RETREG1: variants seen among roughly 807,000 people sequenced by gnomAD.
The protein encoded by RETREG1 is reticulophagy regulator 1, also known as family with sequence similarity 134 member B.
Under a neutral mutation model 54.8 loss-of-function variants are expected in RETREG1, and 44 were observed. That is an observed-to-expected ratio of 0.80 (90% CI 0.63 to 1.03). RETREG1 has a LOEUF of 1.03. Among genes scored for constraint, RETREG1 ranks in the 50% least tolerant of loss-of-function variants. The pLI is 0.00. For synonymous variants in RETREG1, 217 were observed against 238.5 expected, an observed-to-expected ratio of 0.91 and a Z score of 0.83; for missense variants, 554 against 605.1, an observed-to-expected ratio of 0.92 and a Z score of 0.89.
chr5:16,519,536 C>T (rs988112429), intron 3 of RETREG1, among the ~76,000 whole-genome samples: 10 of 152,174 alleles, frequency 6.6e-5, no homozygotes, highest in Non-Finnish European at 1.3e-4. Context: ...ACCCAGTTAC[C>T]CTTTTATCTT....
At chr5:16,513,020 AGCTCTGT>A (rs1234808081) in intron 3 of RETREG1, among the ~76,000 whole-genome samples, 1 of 151,824 alleles carries the variant, frequency 6.6e-6, no homozygotes, top group African/African-American at 2.4e-5. Context: ...TTGGATTCTG[AGCTCTGT>A]GAATTTGCAT....
At chr5:16,552,445 A>G (rs913201011) in intron 3 of RETREG1, among the ~76,000 whole-genome samples, 2 of 152,246 alleles carry the variant, frequency 1.3e-5, no homozygotes, top group Non-Finnish European at 1.5e-5. Flanking sequence ...AACAACATTC[A>G]AAAGATTTTA....
At chr5:16,549,835 G>C (rs966809) in intron 3 of RETREG1, among the ~76,000 whole-genome samples, 3 of 151,804 alleles carry the variant, frequency 2.0e-5, no homozygotes, top group African/African-American at 4.8e-5. Flanking sequence ...GTAATAACTG[G>C]CCCCCCAAAA....
intron 1 of RETREG1, among the ~76,000 whole-genome samples, chr5:16,584,478 C>A (rs1742574442): frequency 6.6e-6 from 1 of 152,050 alleles, no homozygotes; most frequent in Non-Finnish European, 1.5e-5. Flanking sequence ...CATCTCCTGG[C>A]TTTATTTAAT....
intron 3 of RETREG1, among the ~76,000 whole-genome samples, chr5:16,540,441 T>C (rs1741208776): frequency 6.6e-6 from 1 of 152,232 alleles, no homozygotes; most frequent in African/African-American, 2.4e-5. Context: ...CTTTCCACCA[T>C]GAATTCAGTT....
chr5:16,557,363 C>T (rs559224226), intron 3 of RETREG1, among the ~76,000 whole-genome samples: 2 of 152,358 alleles, frequency 1.3e-5, no homozygotes, highest in East Asian at 1.9e-4. Flanking sequence ...CAGTTCTCCA[C>T]ATCCTTTTAT....
chr5:16,530,590 G>A (rs1740882121), intron 3 of RETREG1, among the ~76,000 whole-genome samples: 1 of 152,092 alleles, frequency 6.6e-6, no homozygotes, highest in Non-Finnish European at 1.5e-5. Flanking sequence ...AAACACCTGA[G>A]GGCCGGGCAC....
At chr5:16,572,326 C>T (rs1161312604) in intron 1 of RETREG1, among the ~76,000 whole-genome samples, 1 of 151,890 alleles carries the variant, frequency 6.6e-6, no homozygotes, top group Non-Finnish European at 1.5e-5. Context: ...GATTCTCCTG[C>T]CTCAGCTTCG....
chr5:16,506,482 T>G (rs1429682197), intron 3 of RETREG1, among the ~76,000 whole-genome samples: 4 of 151,374 alleles, frequency 2.6e-5, no homozygotes, highest in Non-Finnish European at 4.4e-5. Flanking sequence ...TTTTTGTTTT[T>G]TTTTTTTTTG....
In RETREG1 at chr5:16,541,728, A is replaced by AGAGG. The variant is rs1426745614; in HGVS notation, c.458+24031_458+24034dup. 1.3e-3 allele frequency among the ~76,000 whole-genome samples: 140 copies of AGAGG among 108,438 alleles called. 3 individuals are homozygous for AGAGG. The highest frequency in any genetic ancestry group is 4.1e-3 in the African/African-American group (124 of 30,216). The allele number at this position is 108,438 out of a possible 152,430, so 71.1% of individuals were successfully genotyped here. A position where few individuals can be genotyped will look rare whatever the true frequency, so the allele number is the denominator to read the frequency against. ...AAAAGAGAAGAAAAGAGAAGAGAAG[A>AGAGG]GAGGGAGGGAGGGAAGGAAGGAAGG... On this transcript the variant is annotated intron_variant, in intron 3 of 8. Coordinates refer to ENST00000306320, the MANE Select transcript of RETREG1 (RefSeq NM_001034850.3).
intron 3 of RETREG1, among the ~76,000 whole-genome samples, chr5:16,489,799 A>T (rs1050314861): frequency 5.9e-5 from 9 of 152,170 alleles, no homozygotes; most frequent in African/African-American, 2.2e-4. Context: ...ATGGCATTTA[A>T]TTGTATCTAG....
intron 3 of RETREG1, among the ~76,000 whole-genome samples, chr5:16,552,145 C>G (rs1741562368): frequency 6.6e-6 from 1 of 152,172 alleles, no homozygotes. Context: ...ACTATTCAGC[C>G]TGCCCCAAAC....
At chr5:16,514,995 A>G (rs1303631732) in intron 3 of RETREG1, among the ~76,000 whole-genome samples, 1 of 148,510 alleles carries the variant, frequency 6.7e-6, no homozygotes, top group Admixed American at 6.7e-5. Context: ...TTCTTTATCC[A>G]CTCATTGATT....
rs369440485 is a variant in RETREG1 at position 16,574,147 on chromosome 5, A to G, written c.321-2045T>C. On this transcript the variant is annotated intron_variant, in intron 1 of 8. Transcript: ENST00000306320. ...CCAATTAGAGAATACAACATGAACC[A>G]AAGATCAGACTCAGGAAAGGGTGAG... Among the ~76,000 whole-genome samples, 152 of 152,204 alleles carry G rather than the reference A, an allele frequency of 1.0e-3. 2 individuals carry two copies. The highest frequency in any genetic ancestry group is 3.5e-3 in the African/African-American group (144 of 41,538).
intron 3 of RETREG1, among the ~76,000 whole-genome samples, chr5:16,527,826 T>TTTTTTTTTTTTTTTTC (rs1561106180): frequency 2.2e-5 from 3 of 138,656 alleles, no homozygotes; most frequent in African/African-American, 8.3e-5. Context: ...TTTTTTTTTT[T>TTTTTTTTTTTTTTTTC]TGAGATGCAG....
chr5:16,557,876 A>T (rs1741752233), intron 3 of RETREG1, among the ~76,000 whole-genome samples: 1 of 152,148 alleles, frequency 6.6e-6, no homozygotes, highest in Non-Finnish European at 1.5e-5. Flanking sequence ...AGTCCCCTGC[A>T]AAACTCATGT....
chr5:16,572,151 C>T, intron 1 of RETREG1, 49 bp from the exon 2 acceptor site: 1 of 1,425,840 alleles, frequency 7.0e-7, no homozygotes. Flanking sequence ...GATTTTTAAC[C>T]TTTTCAAAAT....
chr5:16,608,972 C>G (rs963976962), intron 1 of RETREG1, among the ~76,000 whole-genome samples: 3 of 152,168 alleles, frequency 2.0e-5, no homozygotes, highest in Non-Finnish European at 4.4e-5. Flanking sequence ...AAAATGGACG[C>G]TGCTTCATTA....
intron 3 of RETREG1, among the ~76,000 whole-genome samples, chr5:16,499,071 A>AT (rs70938055): frequency 0.24 from 34,304 of 145,884 alleles, 4,101 homozygotes; most frequent in Middle Eastern, 0.3. Context: ...TTAATTTTTG[A>AT]TTTTTTTTTT....
Sources: gnomAD v4.1 joint callset for allele counts (sites outside exome capture counted in the v4.1 genomes callset) on GRCh38, gnomAD v4.1.1 for gene constraint, MANE v1.5 for transcripts, NCBI Gene and HGNC (gene_info 2026-07-23, HGNC 2026-07-21) for gene names.